TMEM132D: variants seen among roughly 807,000 people sequenced by gnomAD.
TMEM132D encodes transmembrane protein 132D.
TMEM132D carries 21 observed loss-of-function variants against 62.3 expected under a neutral mutation model. The observed-to-expected ratio is 0.34, with a 90% CI of 0.24 to 0.49. The LOEUF is 0.49. Ranked by LOEUF, TMEM132D falls within the 20% of genes least tolerant of loss-of-function variation. The pLI is 0.99. For missense variants in TMEM132D, 1,346 were observed against 1,402.8 expected (o/e 0.96, Z 0.65); for synonymous variants, 621 against 575.6 (o/e 1.08, Z -1.13).
intron 5 of TMEM132D, among the ~76,000 whole-genome samples, chr12:129,096,189 G>A (rs539943610): frequency 8.5e-5 from 13 of 152,298 alleles, no homozygotes; most frequent in Admixed American, 3.9e-4. Flanking sequence ...AAACTGAGGC[G>A]CGATGAGATT....
chr12:129,623,236 T>C lies in TMEM132D; in HGVS notation c.968+76574A>G, dbSNP rs141354009. Among the ~76,000 whole-genome samples, 594 of 152,322 alleles carry C rather than the reference T, an allele frequency of 3.9e-3. 3 individuals are homozygous for C. The highest frequency in any genetic ancestry group is 0.014 in the African/African-American group (563 of 41,574). On this transcript the variant is annotated intron_variant, in intron 2 of 8. Transcript: ENST00000422113. ...CTTAACTACACATTTTATTTAGCAC[T>C]TTTTGTTACTGTGTTGTTCCTCTGG... is the stretch of plus-strand genomic sequence containing the variant.
chr12:129,825,011 CTT>C (rs35111989), intron 1 of TMEM132D, among the ~76,000 whole-genome samples: 1,730 of 126,114 alleles, frequency 0.014, 32 homozygotes, highest in East Asian at 0.055. Context: ...GATGGGCAGT[CTT>C]TTTTTTTTTT....
At chr12:129,673,044 G>A (rs757310114) in intron 2 of TMEM132D, among the ~76,000 whole-genome samples, 11 of 152,142 alleles carry the variant, frequency 7.2e-5, no homozygotes, top group Non-Finnish European at 1.2e-4. Flanking sequence ...CACCACATCC[G>A]GCCAGTTCTA....
intron 1 of TMEM132D, among the ~76,000 whole-genome samples, chr12:129,901,614 G>C (rs1875354597): frequency 6.6e-6 from 1 of 152,124 alleles, no homozygotes; most frequent in Non-Finnish European, 1.5e-5. Flanking sequence ...CATCACACAG[G>C]ACCTCATTTA....
intron 4 of TMEM132D, among the ~76,000 whole-genome samples, chr12:129,295,028 A>G (rs1053660658): frequency 5.9e-5 from 9 of 152,148 alleles, no homozygotes; most frequent in African/African-American, 2.2e-4. Flanking sequence ...CTTTGAGTAA[A>G]GCAAATTGCC....
At chr12:129,269,436 T>C (rs1165459437) in intron 4 of TMEM132D, among the ~76,000 whole-genome samples, 2 of 151,940 alleles carry the variant, frequency 1.3e-5, no homozygotes, top group Non-Finnish European at 2.9e-5. Context: ...CCATCTCCCC[T>C]GTTAGATTCC....
chr12:129,512,600 GA>G (rs1875527277), intron 3 of TMEM132D, among the ~76,000 whole-genome samples: 1 of 152,186 alleles, frequency 6.6e-6, no homozygotes, highest in Admixed American at 6.5e-5. Context: ...AGCTTAGCTG[GA>G]TTGTTTTAGC....
chr12:129,662,845 C>G (rs1880278479), intron 2 of TMEM132D, among the ~76,000 whole-genome samples: 1 of 137,716 alleles, frequency 7.3e-6, no homozygotes, highest in South Asian at 2.3e-4. Context: ...GAGGTATTAA[C>G]AGGATTGCAT....
Position 129,206,845 on chromosome 12 carries a change from G to T in TMEM132D, c.1443+2675C>A, listed in dbSNP as rs1016465922. Among the ~76,000 whole-genome samples the T allele has an allele frequency of 5.9e-5, 9 of 152,214 alleles. No homozygotes were observed. The East Asian group carries it at 1.7e-3, about 29-fold the overall frequency. ...GAGGCCATTATCCTAACTAATACAG[G>T]AATAGAAAACCAAATACTCCATGTT... On this transcript the variant is annotated intron_variant, in intron 5 of 8. Coordinates refer to ENST00000422113, the MANE Select transcript of TMEM132D (RefSeq NM_133448.3).
chr12:129,877,838 G>A (rs762178759), intron 1 of TMEM132D, among the ~76,000 whole-genome samples: 1 of 152,116 alleles, frequency 6.6e-6, no homozygotes, highest in Non-Finnish European at 1.5e-5. Flanking sequence ...ATGAAACACT[G>A]GTAAGGCTGC....
intron 3 of TMEM132D, among the ~76,000 whole-genome samples, chr12:129,374,731 G>A (rs938750784): frequency 5.3e-5 from 8 of 152,150 alleles, no homozygotes; most frequent in African/African-American, 1.7e-4. Flanking sequence ...ATTTTGCTCC[G>A]AGACTGTTAG....
intron 4 of TMEM132D, among the ~76,000 whole-genome samples, chr12:129,250,665 A>G (rs1880241279): frequency 6.6e-6 from 1 of 152,190 alleles, no homozygotes; most frequent in South Asian, 2.1e-4. Context: ...GGTTTGTTCA[A>G]AGTGATTTAA....
At chr12:129,765,650 C>T (rs1427541924) in intron 1 of TMEM132D, among the ~76,000 whole-genome samples, 1 of 151,974 alleles carries the variant, frequency 6.6e-6, no homozygotes, top group African/African-American at 2.4e-5. Flanking sequence ...ATTCCCTCTT[C>T]CCATCTCCTT....
intron 4 of TMEM132D, among the ~76,000 whole-genome samples, chr12:129,214,327 T>G (rs758383377): frequency 8.5e-5 from 13 of 152,228 alleles, no homozygotes; most frequent in Non-Finnish European, 1.8e-4. Flanking sequence ...GATGTTATGC[T>G]TCAAGTATCA....
chr12:129,469,817 C>CA (rs368647197), intron 3 of TMEM132D, among the ~76,000 whole-genome samples: 16 of 152,308 alleles, frequency 1.1e-4, no homozygotes, highest in African/African-American at 2.9e-4. Context: ...AAGTGAAATA[C>CA]AAAAAATATT....
chr12:129,267,899 T>A (rs1387792049), intron 4 of TMEM132D, among the ~76,000 whole-genome samples: 3 of 152,150 alleles, frequency 2.0e-5, no homozygotes, highest in African/African-American at 7.2e-5. Flanking sequence ...AACTATCTGA[T>A]CTTTGAAGAA....
rs1876640779 is a variant in TMEM132D at position 129,543,330 on chromosome 12, ATGGATGAGTGGGCGGG to A, written c.969-12141_969-12126del. Among the ~76,000 whole-genome samples the A allele has an allele frequency of 2.7e-5, 4 of 148,618 alleles. No homozygotes were observed. In the South Asian group the frequency reaches 8.8e-4, roughly 33 times the overall value. ...GATGGATAGATGGATGGATGGATGG[ATGGATGAGTGGGCGGG>A]TGGATGAGTGGGTGGATGGATGGAT... On this transcript the variant is annotated intron_variant, in intron 2 of 8. Coordinates refer to ENST00000422113, the MANE Select transcript of TMEM132D (RefSeq NM_133448.3).
At chr12:129,245,554 C>CT (rs71449399) in intron 4 of TMEM132D, among the ~76,000 whole-genome samples, 28,662 of 146,696 alleles carry the variant, frequency 0.2, 2,753 homozygotes, top group African/African-American at 0.22. Flanking sequence ...TATATTAGAA[C>CT]TTTTTTTTTT....
chr12:129,785,851 A>G (rs1871235506), intron 1 of TMEM132D, among the ~76,000 whole-genome samples: 1 of 152,250 alleles, frequency 6.6e-6, no homozygotes, highest in Non-Finnish European at 1.5e-5. Flanking sequence ...TGTGGTCAGT[A>G]TTTAAGCCAA....
Sources: allele counts gnomAD v4.1 joint callset (sites outside exome capture counted in the v4.1 genomes callset), GRCh38; gene constraint gnomAD v4.1.1; transcripts MANE v1.5; gene names NCBI Gene and HGNC (gene_info 2026-07-23, HGNC 2026-07-21).